Variants in PDE7B observed in about 807,000 individuals in gnomAD.
The protein encoded by PDE7B is phosphodiesterase 7B.
PDE7B carries 29 observed loss-of-function variants against 56.2 expected under a neutral mutation model. The observed-to-expected ratio is 0.52, with a 90% CI of 0.38 to 0.70. The LOEUF is 0.70. Among genes scored for constraint, PDE7B ranks in the 30% least tolerant of loss-of-function variants. The probability of loss-of-function intolerance (pLI) is 0.00; values close to 1 mark genes in which losing one functional copy is unlikely to be tolerated. For synonymous variants in PDE7B, 197 were observed against 196.9 expected (o/e 1.00, Z 0.00); for missense variants, 490 against 565.0 (o/e 0.87, Z 1.35).
rs566095378 is a variant in PDE7B at position 135,975,923 on chromosome 6, C to A, written c.82+28399C>A. On this transcript the variant is annotated intron_variant, in intron 2 of 12. Coordinates refer to ENST00000308191, the MANE Select transcript of PDE7B (RefSeq NM_018945.4). The stretch of plus-strand genomic sequence containing the variant: ...CTGGAGAGGATGTCTCCAACCAGGC[C>A]ATGGAGTTGGAGACAAATCCTCCAA... Among the ~76,000 whole-genome samples, 223 of 152,220 alleles carry A rather than the reference C, an allele frequency of 1.5e-3. 5 individuals are homozygous for A. Among genetic ancestry groups the A allele is most frequent in the South Asian group, 0.015 (70 of 4,822 alleles).
intron 1 of PDE7B, among the ~76,000 whole-genome samples, chr6:135,888,585 A>C (rs1229617867): frequency 6.6e-6 from 1 of 151,976 alleles, no homozygotes; most frequent in Non-Finnish European, 1.5e-5. Flanking sequence ...ACTGTTCTGG[A>C]CTATTTAGAA....
rs760996917 is a variant in PDE7B, at chr6:136,179,016, C to G, written c.823C>G (p.Leu275Val). The G allele has an allele frequency of 1.1e-5, 17 of 1,614,066 alleles. No homozygotes were observed. In the East Asian group the frequency reaches 3.8e-4, roughly 36 times the overall value. Residue 275 changes from leucine to valine, a missense_variant, in exon 10 of 13, where the codon CTG (leucine) becomes GTG (valine). Leu to Val is a conservative substitution (Grantham distance 32, BLOSUM62 1). Coordinates refer to ENST00000308191, the MANE Select transcript of PDE7B (RefSeq NM_018945.4). Reference sequence around the variant, plus strand: ...ATGCAGACAGGATATTGAACAGCAGCTGGGCTCCTTGATCTTGGCAACAGA... The same window carrying G: ...ATGCAGACAGGATATTGAACAGCAGGTGGGCTCCTTGATCTTGGCAACAGA... ...KEMTQDIEQQ[L>V]GSLILATDIN...
chr6:136,183,368 C>A (rs546362504), intron 11 of PDE7B, among the ~76,000 whole-genome samples: 5 of 151,658 alleles, frequency 3.3e-5, no homozygotes, highest in Non-Finnish European at 7.4e-5. Flanking sequence ...CCAAGGCGGG[C>A]GGATCATGAG....
chr6:136,106,553 C>A (rs551558402), intron 2 of PDE7B, among the ~76,000 whole-genome samples: 91 of 152,258 alleles, frequency 6.0e-4, no homozygotes, highest in Middle Eastern at 3.4e-3. Flanking sequence ...TTTACTATAT[C>A]AGGACTTTAA....
rs150859515 is a variant in PDE7B at position 136,152,657 on chromosome 6, T to G, written c.478+1402T>G. Among the ~76,000 whole-genome samples, 23 of 152,352 alleles carry G rather than the reference T, an allele frequency of 1.5e-4. No individual in the cohort carries two copies. In the East Asian group the frequency reaches 4.2e-3, roughly 28 times the overall value. ...ATTCTTATTTATCTGCCAGTGAATT[T>G]TTCAGGGGACATTTCTAATCACCAA... On this transcript the variant is annotated intron_variant, in intron 6 of 12. Transcript: ENST00000308191.
chr6:135,879,963 ATAAATATCTACCCCCAAAT>A (rs1248586382), intron 1 of PDE7B, among the ~76,000 whole-genome samples: 9 of 152,312 alleles, frequency 5.9e-5, no homozygotes, highest in Middle Eastern at 3.4e-3. Context: ...ATGCAAAACT[ATAAATATCTACCCCCAAAT>A]TAAATAAGGA....
intron 1 of PDE7B, among the ~76,000 whole-genome samples, chr6:135,870,021 G>A (rs753522464): frequency 3.9e-5 from 6 of 152,136 alleles, no homozygotes; most frequent in Non-Finnish European, 7.3e-5. Context: ...AGACAGGGAG[G>A]AGAGACCAAG....
At chr6:136,095,546 G>A (rs1441123331) in intron 2 of PDE7B, among the ~76,000 whole-genome samples, 1 of 152,100 alleles carries the variant, frequency 6.6e-6, no homozygotes, top group Non-Finnish European at 1.5e-5. Flanking sequence ...GGTCACAGAG[G>A]GAATGGATCA....
chr6:135,950,628 TC>T (rs1026403005), intron 2 of PDE7B, among the ~76,000 whole-genome samples: 2 of 152,008 alleles, frequency 1.3e-5, no homozygotes, highest in African/African-American at 4.8e-5. Context: ...CCTGGAAACC[TC>T]CCTCTCTACC....
intron 3 of PDE7B, among the ~76,000 whole-genome samples, chr6:136,115,470 T>G (rs1777815438): frequency 6.6e-6 from 1 of 152,174 alleles, no homozygotes; most frequent in Non-Finnish European, 1.5e-5. Flanking sequence ...ATAAAAGTGT[T>G]ATTGAAAGAC....
chr6:135,961,273 G>GTA (rs1554269785), intron 2 of PDE7B, among the ~76,000 whole-genome samples: 1 of 138,194 alleles, frequency 7.2e-6, no homozygotes, highest in Admixed American at 7.2e-5. Context: ...GTGTGTGTGT[G>GTA]TGTGTGTATG....
rs578190760 is a variant in PDE7B at position 135,931,944 on chromosome 6, C to T, written c.22-15520C>T. ...ACTTTTTTGTTACCGCGCACACACA[C>T]ACGCGCGCGCACACACACACACACA... On this transcript the variant is annotated intron_variant, in intron 1 of 12. Transcript: ENST00000308191. Among the ~76,000 whole-genome samples, 3 of 54,576 alleles carry T rather than the reference C, an allele frequency of 5.5e-5. No individual in the cohort carries two copies. The East Asian group carries it at 2.3e-3, about 41-fold the overall frequency. The allele number at this position is 54,576 out of a possible 152,430, so 35.8% of individuals were successfully genotyped here.
At chr6:136,066,735 G>A (rs879458194) in intron 2 of PDE7B, among the ~76,000 whole-genome samples, 20 of 152,136 alleles carry the variant, frequency 1.3e-4, no homozygotes, top group Middle Eastern at 3.4e-3. Context: ...CTTAGCAACC[G>A]AAGAACAAAA....
At chr6:135,870,385 G>C (rs1247363427) in intron 1 of PDE7B, among the ~76,000 whole-genome samples, 1 of 152,018 alleles carries the variant, frequency 6.6e-6, no homozygotes, top group Non-Finnish European at 1.5e-5. Context: ...GGTAAAACTG[G>C]TGGAGGGTGC....
chr6:135,996,535 T>C (rs1775567838), intron 2 of PDE7B, among the ~76,000 whole-genome samples: 1 of 152,226 alleles, frequency 6.6e-6, no homozygotes, highest in African/African-American at 2.4e-5. Flanking sequence ...AAAGCACAGA[T>C]TTTTATCAAT....
intron 1 of PDE7B, among the ~76,000 whole-genome samples, chr6:135,920,024 C>T (rs1224504222): frequency 6.6e-6 from 1 of 152,102 alleles, no homozygotes; most frequent in Non-Finnish European, 1.5e-5. Context: ...ACCTAGGTCT[C>T]CTGACCCTAA....
intron 3 of PDE7B, among the ~76,000 whole-genome samples, chr6:136,109,871 G>T (rs887013963): frequency 6.6e-6 from 1 of 152,106 alleles, no homozygotes; most frequent in Admixed American, 6.6e-5. Flanking sequence ...TCAGTGTTTG[G>T]TTCTCATATC....
chr6:135,970,067 ATTGAGTATCTAGT>A, intron 2 of PDE7B, among the ~76,000 whole-genome samples: 1 of 152,138 alleles, frequency 6.6e-6, no homozygotes, highest in Admixed American at 6.5e-5. Flanking sequence ...GTAAATATTT[ATTGAGTATCTAGT>A]ACGTGCCAGC....
intron 8 of PDE7B, among the ~76,000 whole-genome samples, chr6:136,164,300 A>G (rs551894737): frequency 6.6e-6 from 1 of 152,100 alleles, no homozygotes; most frequent in Non-Finnish European, 1.5e-5. Context: ...ATGAGAACTC[A>G]CTCACTATCA....
Sources: gnomAD v4.1 joint callset for allele counts (sites outside exome capture counted in the v4.1 genomes callset) on GRCh38, gnomAD v4.1.1 for gene constraint, MANE v1.5 for transcripts, NCBI Gene and HGNC (gene_info 2026-07-23, HGNC 2026-07-21) for gene names.